Variants in MAN1C1 observed in about 807,000 individuals in gnomAD.
MAN1C1 encodes the protein mannosyl-oligosaccharide 1,2-alpha-mannosidase IC.
Under a neutral mutation model 71.5 loss-of-function variants are expected in MAN1C1, and 49 were observed. The ratio of observed to expected loss-of-function variants is 0.69; its 90% confidence interval spans 0.54 to 0.87. The LOEUF is 0.87. MAN1C1 is among the 40% of genes least tolerant of loss of function. MAN1C1 has a pLI of 0.00. For missense variants in MAN1C1, 743 were observed against 835.0 expected (o/e 0.89, Z 1.36); for synonymous variants, 352 against 343.7 (o/e 1.02, Z -0.27).
At chr1:25,727,109 G>A (rs1283266028) in intron 2 of MAN1C1, among the ~76,000 whole-genome samples, 1 of 152,080 alleles carries the variant, frequency 6.6e-6, no homozygotes, top group Non-Finnish European at 1.5e-5. Context: ...GGCTGTATTA[G>A]ACACATAACC....
intron 1 of MAN1C1, among the ~76,000 whole-genome samples, chr1:25,677,568 G>A (rs916890998): frequency 2.6e-5 from 4 of 152,134 alleles, no homozygotes; most frequent in African/African-American, 9.7e-5. Flanking sequence ...AGTATCTCTT[G>A]CTGTAGCTCT....
intron 2 of MAN1C1, among the ~76,000 whole-genome samples, chr1:25,743,155 G>A (rs2047083639): frequency 6.6e-6 from 1 of 152,228 alleles, no homozygotes; most frequent in Admixed American, 6.5e-5. Flanking sequence ...GATGCTTAGA[G>A]CAGATGTGTT....
At chr1:25,657,690 G>A (rs933360420) in intron 1 of MAN1C1, among the ~76,000 whole-genome samples, 3 of 152,154 alleles carry the variant, frequency 2.0e-5, no homozygotes, top group Admixed American at 6.6e-5. Flanking sequence ...TGATACAGCC[G>A]GAGCCATAGA....
In MAN1C1 at chr1:25,776,531, T is replaced by C. The variant is rs1180367924; in HGVS notation, c.1258-1574T>C. On this transcript the variant is annotated intron_variant, in intron 8 of 11. Transcript: ENST00000374332. This position sits in a 1 kb window ranked among gnomAD's most constrained non-coding sequence, Gnocchi z 4.3. ...TCATGCCACTGCACTTCAGCCTGGG[T>C]GACAGAGTAAGACTGTGTCTCAAAA... is the stretch of plus-strand genomic sequence containing the variant. Among the ~76,000 whole-genome samples, 1 of 150,920 alleles carries C rather than the reference T, an allele frequency of 6.6e-6. No individual in the cohort carries two copies. Among genetic ancestry groups the C allele is most frequent in the East Asian group, 1.9e-4 (1 of 5,174 alleles).
intron 2 of MAN1C1, among the ~76,000 whole-genome samples, chr1:25,723,477 G>C (rs931435602): frequency 6.6e-6 from 1 of 152,168 alleles, no homozygotes; most frequent in African/African-American, 2.4e-5. Context: ...GGCTTTCTTG[G>C]CTTTGCTGAG....
At chr1:25,683,650 C>G (rs2046185979) in intron 1 of MAN1C1, among the ~76,000 whole-genome samples, 1 of 148,630 alleles carries the variant, frequency 6.7e-6, no homozygotes, top group Admixed American at 6.7e-5. Flanking sequence ...GGGCAGTTGG[C>G]AGGGGGGTGG....
intron 1 of MAN1C1, among the ~76,000 whole-genome samples, chr1:25,630,064 G>T (rs1300913909): frequency 2.0e-5 from 3 of 151,804 alleles, no homozygotes; most frequent in Non-Finnish European, 2.9e-5. Flanking sequence ...AGTTTTTTTT[G>T]TATAAGATGA....
At chr1:25,712,574 T>G (rs1191355385) in intron 2 of MAN1C1, among the ~76,000 whole-genome samples, 1 of 152,168 alleles carries the variant, frequency 6.6e-6, no homozygotes, top group Non-Finnish European at 1.5e-5. Context: ...TTAGAGGTCT[T>G]TGTGAAACTG....
rs1317383133 is a variant in MAN1C1, at chr1:25,775,648, G to A, written c.1258-2457G>A. Among the ~76,000 whole-genome samples, 1 of 152,166 alleles carries A rather than the reference G, an allele frequency of 6.6e-6. No homozygotes were observed. The highest frequency in any genetic ancestry group is 1.5e-5 in the Non-Finnish European group (1 of 68,022). ...CATAGGTAATGGCAGTGGCAGTGCT[G>A]GTTTAAATTGGGGCATTCTCTCCAA... On this transcript the variant is annotated intron_variant, in intron 8 of 11. Transcript: ENST00000374332. This position sits in a 1 kb window ranked among gnomAD's most constrained non-coding sequence, Gnocchi z 5.1.
At chr1:25,687,942 GT>G (rs1433766701) in intron 2 of MAN1C1, among the ~76,000 whole-genome samples, 1 of 151,620 alleles carries the variant, frequency 6.6e-6, no homozygotes, top group Non-Finnish European at 1.5e-5. Context: ...ACCATTTTAT[GT>G]CCTTTCTGCT....
rs1316580140 is a variant in MAN1C1 at position 25,775,264 on chromosome 1, C to T, written c.1258-2841C>T. On this transcript the variant is annotated intron_variant, in intron 8 of 11. Transcript: ENST00000374332. The surrounding 1 kb of genome is among the most constrained non-coding windows in gnomAD (Gnocchi z 5.1). ...ACATGGCTCTGCCCGGGAGCCAGGC[C>T]GGGCCCAGAGCAGACCCCTGCCTGC... 6.6e-6 allele frequency among the ~76,000 whole-genome samples: 1 copy of T among 152,206 alleles called. No homozygotes were observed. The highest frequency in any genetic ancestry group is 6.5e-5 in the Admixed American group (1 of 15,290).
At position 25,618,021 on chromosome 1, in the gene MAN1C1, C is replaced by T. The variant is rs1369298195; in HGVS notation, c.224C>T (p.Ala75Val). ...VVAEIAGHAP[A>V]REQEPPPNPA... Reference sequence around the variant, plus strand: ...GCTGAAATCGCCGGCCATGCCCCGGCCCGCGAGCAGGAGCCGCCTCCCAAC... The same window carrying T: ...GCTGAAATCGCCGGCCATGCCCCGGTCCGCGAGCAGGAGCCGCCTCCCAAC... The change falls in exon 1 of 12, where the codon GCC becomes GTC. Residue 75 changes from alanine (A) to valine (V), a missense_variant. Transcript: ENST00000374332. 1.3e-6 allele frequency: 2 copies of T among 1,598,798 alleles called. No individual in the cohort carries two copies. Among genetic ancestry groups the T allele is most frequent in the Middle Eastern group, 1.7e-4 (1 of 5,976 alleles).
rs1234758865 is a variant in MAN1C1, at chr1:25,730,677, C to T, written c.638-15991C>T. On this transcript the variant is annotated intron_variant, in intron 2 of 11. Coordinates refer to ENST00000374332, the MANE Select transcript of MAN1C1 (RefSeq NM_020379.4). The surrounding 1 kb of genome is among the most constrained non-coding windows in gnomAD (Gnocchi z 4.3). ...ACTGAGGTCTGAAACAGAGGCAGTT[C>T]TTGCCCCAGAAGCATGCTCAGGGCT... Among the ~76,000 whole-genome samples, 1 of 152,256 alleles carries T rather than the reference C, an allele frequency of 6.6e-6. No individual in the cohort carries two copies. Among genetic ancestry groups the T allele is most frequent in the Non-Finnish European group, 1.5e-5 (1 of 68,050 alleles).
intron 4 of MAN1C1, 46 bp downstream of exon 4, chr1:25,749,381 G>T: frequency 6.8e-7 from 1 of 1,474,162 alleles, no homozygotes; most frequent in East Asian, 2.3e-5. Flanking sequence ...GCTGGAAAGG[G>T]CTTTGGAGAA....
intron 1 of MAN1C1, among the ~76,000 whole-genome samples, chr1:25,636,127 G>C (rs957449945): frequency 1.3e-5 from 2 of 152,182 alleles, no homozygotes; most frequent in Admixed American, 1.3e-4. Flanking sequence ...AAGATCACAT[G>C]CTTCTGAGGA....
rs1371793393 is a variant in MAN1C1, at chr1:25,781,184, CCCTG to C, written c.1650+73_1650+76del. 3.9e-6 allele frequency: 6 copies of C among 1,556,172 alleles called. No homozygotes were observed. The African/African-American group carries it at 8.1e-5, about 21-fold the overall frequency. ...GAATTTACAGGCTGGGTGCTAGGTG[CCCTG>C]GCTTGGGCCTGGAGTGGAAGGCCAA... On this transcript the variant is annotated intron_variant, in intron 10 of 11. Transcript: ENST00000374332.
chr1:25,676,367 C>T (rs1184316408), intron 1 of MAN1C1, among the ~76,000 whole-genome samples: 1 of 152,184 alleles, frequency 6.6e-6, no homozygotes, highest in Non-Finnish European at 1.5e-5. Context: ...CCAAACCCCA[C>T]CCGTGCCCAG....
At chr1:25,620,928 C>G (rs1359250489) in intron 1 of MAN1C1, among the ~76,000 whole-genome samples, 1 of 152,192 alleles carries the variant, frequency 6.6e-6, no homozygotes, top group Non-Finnish European at 1.5e-5. Flanking sequence ...GTCACTAGAA[C>G]CAACTGTTTT....
chr1:25,645,798 C>G (rs992997457), intron 1 of MAN1C1: 6 of 152,354 alleles, frequency 3.9e-5, no homozygotes, highest in Non-Finnish European at 8.8e-5. Flanking sequence ...TGAGCCCTCA[C>G]TGCTGCCACC....
Sources: allele counts gnomAD v4.1 joint callset (sites outside exome capture counted in the v4.1 genomes callset), GRCh38; gene constraint gnomAD v4.1.1; non-coding constraint Gnocchi (gnomAD v3.1); transcripts MANE v1.5; gene names NCBI Gene and HGNC (gene_info 2026-07-23, HGNC 2026-07-21).